Variants in TESMIN observed in about 807,000 individuals in gnomAD.
TESMIN encodes CXC domain containing 2.
In TESMIN, 34 loss-of-function variants were observed where a neutral mutation model predicts 47.4. That is an observed-to-expected ratio of 0.72 (90% CI 0.55 to 0.96). The LOEUF (loss-of-function observed/expected upper bound fraction) is 0.96, where lower values mean the gene tolerates loss of function less well. TESMIN is among the 40% of genes least tolerant of loss of function. The pLI is 0.00. For synonymous variants in TESMIN, 278 were observed against 258.9 expected, an observed-to-expected ratio of 1.07 and a Z score of -0.71; for missense variants, 610 against 637.2, an observed-to-expected ratio of 0.96 and a Z score of 0.46.
intron 1 of TESMIN, 42 bp from the exon 2 acceptor site, chr11:68,750,741 C>T: frequency 1.2e-6 from 1 of 864,194 alleles, no homozygotes; most frequent in Non-Finnish European, 1.5e-6. Flanking sequence ...GAGGAGAGGA[C>T]GAGGGGAGGG....
chr11:68,722,193 A>C (rs552262690), intron 6 of TESMIN, among the ~76,000 whole-genome samples: 16 of 152,344 alleles, frequency 1.1e-4, no homozygotes, highest in African/African-American at 3.8e-4. Flanking sequence ...ATATTGTATG[A>C]GTCCATTTAT....
At chr11:68,719,683 G>A (rs1946182504) in intron 6 of TESMIN, among the ~76,000 whole-genome samples, 1 of 152,144 alleles carries the variant, frequency 6.6e-6, no homozygotes, top group Admixed American at 6.5e-5. Context: ...ACAATTATGT[G>A]GCTCTCTAAA....
At chr11:68,716,815 G>A (rs930486793) in intron 6 of TESMIN, among the ~76,000 whole-genome samples, 2 of 152,234 alleles carry the variant, frequency 1.3e-5, no homozygotes, top group East Asian at 3.8e-4. Flanking sequence ...CTCCTACTGT[G>A]CCACCTATGA....
intron 6 of TESMIN, among the ~76,000 whole-genome samples, chr11:68,732,019 T>TA (rs1187116882): frequency 1.3e-5 from 2 of 152,188 alleles, no homozygotes; most frequent in African/African-American, 4.8e-5. Flanking sequence ...ATGGAGCTAC[T>TA]AGGAAGCTAA....
At chr11:68,737,379 G>T (rs1414427704) in intron 6 of TESMIN, 5 of 985,512 alleles carry the variant, frequency 5.1e-6, no homozygotes, top group Non-Finnish European at 6.0e-6. Flanking sequence ...AGCAACCAAC[G>T]CCCTTCAGCG....
At position 68,750,194 on chromosome 11, in the gene TESMIN, A is replaced by T. The variant is rs1313326896; in HGVS notation, c.467T>A (p.Ile156Asn). The T allele has an allele frequency of 6.7e-7, 1 of 1,483,802 alleles. No individual in the cohort carries two copies. 91.9% of individuals were successfully genotyped at this position (1,483,802 alleles called of 1,614,324 possible). ...CATTCCCCAGGCGGTTCTTACTGGG[A>T]TCATGCGGACGCCCGGGTGGGAGGC... ...EGASHPGVRM[I>N]PVEIKEAGGT... The change falls in exon 2 of 10, where the codon ATC becomes AAC. Residue 156 changes from isoleucine to asparagine, a missense_variant. Physicochemically the swap from Ile to Asn is moderately radical, Grantham distance 149 (BLOSUM62 -3). Transcript: ENST00000255087.
intron 6 of TESMIN, among the ~76,000 whole-genome samples, chr11:68,723,288 A>G (rs1946223915): frequency 6.6e-6 from 1 of 151,904 alleles, no homozygotes; most frequent in Admixed American, 6.6e-5. Context: ...TATATATAAT[A>G]CAAATGTGGA....
At chr11:68,725,476 C>A (rs1946251224) in intron 6 of TESMIN, among the ~76,000 whole-genome samples, 1 of 152,176 alleles carries the variant, frequency 6.6e-6, no homozygotes, top group Non-Finnish European at 1.5e-5. Context: ...ACTGGCAACA[C>A]TGCAACACTT....
At chr11:68,743,778 T>G (rs1367935116) in intron 4 of TESMIN, among the ~76,000 whole-genome samples, 1 of 152,152 alleles carries the variant, frequency 6.6e-6, no homozygotes, top group Non-Finnish European at 1.5e-5. Context: ...GGCCTAGGCA[T>G]CCTTTGAGTG....
intron 6 of TESMIN, among the ~76,000 whole-genome samples, chr11:68,731,264 A>C (rs914142361): frequency 1.3e-5 from 2 of 151,962 alleles, no homozygotes; most frequent in East Asian, 3.9e-4. Flanking sequence ...CATCGCTAAA[A>C]ACAAATACAA....
intron 6 of TESMIN, among the ~76,000 whole-genome samples, chr11:68,725,623 C>G (rs2513276): frequency 0.042 from 5,514 of 131,168 alleles, 329 homozygotes; most frequent in African/African-American, 0.13. Context: ...TTGAAAAGAC[C>G]TAAAATGACA....
intron 6 of TESMIN, chr11:68,736,991 A>C (rs1023259990): frequency 1.0e-6 from 1 of 985,388 alleles, no homozygotes; most frequent in African/African-American, 1.7e-5. Flanking sequence ...AAGTATGAGA[A>C]GTATCAAATG....
At chr11:68,705,625 GT>G (rs202241789), downstream of TESMIN, among the ~76,000 whole-genome samples, 19 of 151,610 alleles carry the variant, frequency 1.3e-4, no homozygotes, top group Non-Finnish European at 2.5e-4. Flanking sequence ...AAAAAACAAG[GT>G]TTTTTTTTCT....
intron 6 of TESMIN, among the ~76,000 whole-genome samples, chr11:68,734,590 GC>G (rs1388201285): frequency 2.0e-5 from 3 of 152,318 alleles, no homozygotes; most frequent in African/African-American, 7.2e-5. Context: ...CCCAGTGGGG[GC>G]ATGCATCTCT....
At chr11:68,726,982 A>C (rs1378268439) in intron 6 of TESMIN, among the ~76,000 whole-genome samples, 1 of 152,072 alleles carries the variant, frequency 6.6e-6, no homozygotes, top group Non-Finnish European at 1.5e-5. Flanking sequence ...GCTGGACCCC[A>C]GGAGGTCAAG....
At chr11:68,709,089 A>AAAAGAAAGAAAG (rs59677985) in intron 9 of TESMIN, among the ~76,000 whole-genome samples, 2 of 150,070 alleles carry the variant, frequency 1.3e-5, no homozygotes, top group South Asian at 2.1e-4. Context: ...GAAAGAAAAG[A>AAAAGAAAGAAAG]AAAGAAAGAA....
chr11:68,734,533 C>T (rs576639763), intron 6 of TESMIN, among the ~76,000 whole-genome samples: 10 of 152,298 alleles, frequency 6.6e-5, no homozygotes, highest in African/African-American at 1.2e-4. Context: ...GAATTCTAAA[C>T]GAATATAGCA....
rs1406842937 is a variant in TESMIN at position 68,737,642 on chromosome 11, C to T, written c.917+1058G>A. 3 of 985,580 alleles carry T rather than the reference C, an allele frequency of 3.0e-6. No homozygotes were observed. The East Asian group carries it at 3.4e-4, about 112-fold the overall frequency. 61.1% of individuals were successfully genotyped at this position (985,580 alleles called of 1,614,324 possible). A position where few individuals can be genotyped will look rare whatever the true frequency, so the allele number is the denominator to read the frequency against. ...GGCCCAAAGAACTCCTGCAGGCAGG[C>T]CGGGCACGCCTGTAATCCCAGCACT... On this transcript the variant is annotated intron_variant, in intron 6 of 9. Transcript: ENST00000255087.
In TESMIN at chr11:68,750,217, G is replaced by A; in HGVS notation, c.444C>T (p.Ala148=). Residue 148 remains alanine (A), a synonymous_variant, in exon 2 of 10, where the codon GCC becomes GCT. Transcript: ENST00000255087. Reference sequence around the variant, plus strand: ...GGATCATGCGGACGCCCGGGTGGGAGGCTCCTTCCAGGACCCAGGCGCCCA... The same window carrying A: ...GGATCATGCGGACGCCCGGGTGGGAAGCTCCTTCCAGGACCCAGGCGCCCA... The part of the protein sequence containing the change: ...LPLGAWVLEG[A]SHPGVRMIPV... 6.7e-7 allele frequency: 1 copy of A among 1,501,572 alleles called. No individual in the cohort carries two copies. Among genetic ancestry groups the A allele is most frequent in the Non-Finnish European group, 8.8e-7 (1 of 1,137,176 alleles). The allele number at this position is 1,501,572 out of a possible 1,614,324, so 93.0% of individuals were successfully genotyped here.
Sources: allele counts gnomAD v4.1 joint callset (sites outside exome capture counted in the v4.1 genomes callset), GRCh38; gene constraint gnomAD v4.1.1; transcripts MANE v1.5; gene names NCBI Gene and HGNC (gene_info 2026-07-23, HGNC 2026-07-21).